RGPD3: variants seen among roughly 807,000 people sequenced by gnomAD.
RGPD3 encodes ranBP2-like and GRIP domain-containing protein 3.
RGPD3 carries 62 observed loss-of-function variants against 154.5 expected under a neutral mutation model. The observed-to-expected ratio is 0.40, with a 90% confidence interval of 0.33 to 0.50. The LOEUF is 0.50. Ranked by LOEUF, RGPD3 falls within the 20% of genes least tolerant of loss-of-function variation. The pLI, the probability that RGPD3 is intolerant of heterozygous loss-of-function variation, is 0.59. For synonymous variants in RGPD3, 308 were observed against 607.0 expected (o/e 0.51, Z 7.24); for missense variants, 919 against 1,716.8 (o/e 0.54, Z 8.21).
Position 106,418,036 on chromosome 2 carries a change from G to C in RGPD3, c.4925-2047C>G, listed in dbSNP as rs1676867651. ...CCCAGCTGCTGGGGAGGCTGAGGCA[G>C]AGAACTGCTGGAAGCCAGGAGGCGG... On this transcript the variant is annotated intron_variant, in intron 20 of 22. Coordinates refer to ENST00000409886, the MANE Select transcript of RGPD3 (RefSeq NM_001144013.2). Among the ~76,000 whole-genome samples the C allele has an allele frequency of 1.4e-5, 2 of 145,398 alleles. 1 individual carries two copies. The highest frequency in any genetic ancestry group is 6.3e-4 in the East Asian group (2 of 3,160).
intron 6 of RGPD3, among the ~76,000 whole-genome samples, chr2:106,448,679 G>C (rs867995467): frequency 6.6e-6 from 1 of 151,018 alleles, no homozygotes; most frequent in South Asian, 2.1e-4. Context: ...TCTCATGTAT[G>C]TAGAGCTGAG....
chr2:106,468,828 A>AAAT (rs1331094661), upstream of RGPD3, among the ~76,000 whole-genome samples: 4 of 149,640 alleles, frequency 2.7e-5, no homozygotes, highest in Non-Finnish European at 5.9e-5. Context: ...AAAAAAAAAA[A>AAAT]AAAAAAGACT....
intron 20 of RGPD3, among the ~76,000 whole-genome samples, chr2:106,421,750 C>T (rs936095883): frequency 2.0e-5 from 3 of 151,646 alleles, no homozygotes; most frequent in African/African-American, 7.3e-5. Context: ...GTATACATGC[C>T]GTTGCCACTA....
rs1573243396 is a variant in RGPD3 at position 106,415,700 on chromosome 2, C to T, written c.5064+150G>A. The T allele has an allele frequency of 1.1e-4, 47 of 446,438 alleles. No individual in the cohort carries two copies. The East Asian group carries it at 2.1e-3, about 20-fold the overall frequency. The allele number at this position is 446,438 out of a possible 1,614,324, so 27.7% of individuals were successfully genotyped here. On this transcript the variant is annotated intron_variant, in intron 21 of 22. Transcript: ENST00000409886. The stretch of plus-strand genomic sequence containing the variant: ...AAAAAAAAAAAAAAAAAAAAAAAGG[C>T]AATATTTCTCACCATCAGGAATCTA...
intron 18 of RGPD3, among the ~76,000 whole-genome samples, chr2:106,427,078 A>C (rs1677222117): frequency 6.6e-6 from 1 of 151,326 alleles, no homozygotes; most frequent in African/African-American, 2.4e-5. Flanking sequence ...TAAAAAAAAA[A>C]TCTTAGTCTG....
chr2:106,465,595 A>G (rs1286149952), intron 1 of RGPD3, among the ~76,000 whole-genome samples: 1 of 151,482 alleles, frequency 6.6e-6, no homozygotes, highest in African/African-American at 2.4e-5. Context: ...AAAAAAAAAA[A>G]TCAGGCTGAG....
At chr2:106,407,446 G>C (rs1026650697) in intron 22 of RGPD3, among the ~76,000 whole-genome samples, 3 of 152,000 alleles carry the variant, frequency 2.0e-5, no homozygotes, top group African/African-American at 7.3e-5. Context: ...CTAGAAAGTA[G>C]AAGGAAGCGA....
chr2:106,410,722 CTAGAAG>C lies in RGPD3; in HGVS notation c.5266+2356_5266+2361del, dbSNP rs1246786018. The stretch of plus-strand genomic sequence containing the variant: ...TAGGGGCAGTTTTACTCTTAGGTGA[CTAGAAG>C]TAGATTTCTTCTTTTTTATAACTAT... On this transcript the variant is annotated intron_variant, in intron 22 of 22. Coordinates refer to ENST00000409886, the MANE Select transcript of RGPD3 (RefSeq NM_001144013.2). Among the ~76,000 whole-genome samples the C allele has an allele frequency of 3.9e-5, 6 of 152,088 alleles. No homozygotes were observed. The East Asian group carries it at 7.7e-4, about 20-fold the overall frequency.
chr2:106,469,335 T>A (rs979724697), upstream of RGPD3, among the ~76,000 whole-genome samples: 4 of 151,098 alleles, frequency 2.6e-5, no homozygotes, highest in Admixed American at 2.6e-4. Flanking sequence ...ACCAGGCTTA[T>A]AGAATTCTAA....
At chr2:106,445,380 C>A (rs1439406259) in intron 7 of RGPD3, among the ~76,000 whole-genome samples, 2 of 149,280 alleles carry the variant, frequency 1.3e-5, no homozygotes, top group Non-Finnish European at 3.0e-5. Flanking sequence ...ACCTAGTGAA[C>A]CTCACTAAAT....
intron 7 of RGPD3, among the ~76,000 whole-genome samples, chr2:106,446,864 G>A (rs1247439866): frequency 6.6e-6 from 1 of 151,566 alleles, no homozygotes; most frequent in South Asian, 2.1e-4. Flanking sequence ...CCTGGCGACA[G>A]AGAGAGACTT....
rs1215062807 is a variant in RGPD3, at chr2:106,468,375, G to A, written c.-87C>T. 2.1e-5 allele frequency: 32 copies of A among 1,545,354 alleles called. No individual in the cohort carries two copies. In the Admixed American group the frequency reaches 2.6e-4, roughly 12 times the overall value. Reference sequence around the variant, plus strand: ...AATTCCAAGAGGAAAGCGCCTGAAAGCCACTGAGGCAGCGGCGTAGCCGGC... The same window carrying A: ...AATTCCAAGAGGAAAGCGCCTGAAAACCACTGAGGCAGCGGCGTAGCCGGC... On this transcript the variant is annotated 5_prime_UTR_variant, in exon 1 of 23. Coordinates refer to ENST00000409886, the MANE Select transcript of RGPD3 (RefSeq NM_001144013.2).
chr2:106,426,778 C>G (rs901993808), intron 18 of RGPD3, among the ~76,000 whole-genome samples: 3 of 152,208 alleles, frequency 2.0e-5, no homozygotes, highest in Admixed American at 2.0e-4. Flanking sequence ...CAGAAAACAA[C>G]CAAAAGATCT....
chr2:106,424,654 C>G lies in RGPD3; in HGVS notation c.3313G>C (p.Val1105Leu). ...KVRMLMQREQ[V>L]LKVCANHWIT... Reference sequence around the variant, plus strand: ...CAATGATTAGCACACACTTTTAGTACTTGTTCTCTTTGCATCAGCATTCTT... The same window carrying G: ...CAATGATTAGCACACACTTTTAGTAGTTGTTCTCTTTGCATCAGCATTCTT... Residue 1105 changes from valine to leucine, a missense_variant, in exon 20 of 23, where the codon GTA becomes CTA. Coordinates refer to ENST00000409886, the MANE Select transcript of RGPD3 (RefSeq NM_001144013.2). 6.2e-7 allele frequency: 1 copy of G among 1,611,998 alleles called. No individual in the cohort carries two copies. The highest frequency in any genetic ancestry group is 8.5e-7 in the Non-Finnish European group (1 of 1,179,854).
At chr2:106,458,748 C>T (rs1470277405) in intron 2 of RGPD3, among the ~76,000 whole-genome samples, 97 of 69,350 alleles carry the variant, frequency 1.4e-3, no homozygotes, top group African/African-American at 3.5e-3. Context: ...AAAAAAAAAG[C>T]CTGCCTCCCT....
intron 20 of RGPD3, among the ~76,000 whole-genome samples, chr2:106,418,821 GC>G (rs1373039438): frequency 1.3e-5 from 2 of 150,320 alleles, no homozygotes; most frequent in East Asian, 4.0e-4. Flanking sequence ...ACCCGCCTTG[GC>G]CTCCCAAAGT....
chr2:106,411,930 T>C (rs1256748973), intron 22 of RGPD3, among the ~76,000 whole-genome samples: 2 of 151,196 alleles, frequency 1.3e-5, no homozygotes. Flanking sequence ...ACAGGCAAAA[T>C]GAACATAAAC....
chr2:106,466,020 T>A (rs1030402899), intron 1 of RGPD3, among the ~76,000 whole-genome samples: 2 of 151,406 alleles, frequency 1.3e-5, no homozygotes, highest in African/African-American at 4.8e-5. Context: ...CGCCGCAGCA[T>A]ATAAAGTAAA....
rs1179786889 is a variant in RGPD3, at chr2:106,405,004, G to A, written c.*215C>T. On this transcript the variant is annotated 3_prime_UTR_variant, in exon 23 of 23. Transcript: ENST00000409886. ...TCAAGCTGTTGTACTTTTACTTCAA[G>A]TTGAAACTTTTAAAATACATCTGTC... is the stretch of plus-strand genomic sequence containing the variant. 1 of 678,988 alleles carries A rather than the reference G, an allele frequency of 1.5e-6. No individual in the cohort carries two copies. Among genetic ancestry groups the A allele is most frequent in the Non-Finnish European group, 2.5e-6 (1 of 403,532 alleles). 42.1% of individuals were successfully genotyped at this position (678,988 alleles called of 1,614,324 possible).
Sources: gnomAD v4.1 joint callset for allele counts (sites outside exome capture counted in the v4.1 genomes callset) on GRCh38, gnomAD v4.1.1 for gene constraint, MANE v1.5 for transcripts, NCBI Gene and HGNC (gene_info 2026-07-23, HGNC 2026-07-21) for gene names.